DBN1: variants seen among roughly 807,000 people sequenced by gnomAD.
DBN1 encodes the protein drebrin 1.
In DBN1, 21 loss-of-function variants were observed where a neutral mutation model predicts 83.5. The ratio of observed to expected loss-of-function variants is 0.25; its 90% confidence interval spans 0.18 to 0.36. DBN1 has a LOEUF of 0.36. Among genes scored for constraint, DBN1 ranks in the 10% least tolerant of loss-of-function variants. DBN1 has a pLI of 1.00. For missense variants in DBN1, 874 were observed against 935.7 expected (o/e 0.93, Z 0.86); for synonymous variants, 381 against 384.9 (o/e 0.99, Z 0.12).
chr5:177,457,384 G>T lies in DBN1; in HGVS notation c.*49C>A. 6.6e-7 allele frequency: 1 copy of T among 1,523,074 alleles called. No homozygotes were observed. The allele number at this position is 1,523,074 out of a possible 1,614,324, so 94.3% of individuals were successfully genotyped here. ...ACGGCGGGCCGTCTGGCCAGAGGCT[G>T]ATGCAGGTGGGCGGCCTTGGCAAGG... On this transcript the variant is annotated 3_prime_UTR_variant, in exon 15 of 15. Transcript: ENST00000393565.
At chr5:177,457,992 C>G in intron 13 of DBN1, 66 bp downstream of exon 13, 1 of 1,597,590 alleles carries the variant, frequency 6.3e-7, no homozygotes, top group Non-Finnish European at 8.6e-7. Flanking sequence ...ATGAGGAATG[C>G]AGGGCCAGCA....
In DBN1 at chr5:177,458,427, G is replaced by A. The variant is rs1264518643; in HGVS notation, c.1545C>T (p.Pro515=). The part of the protein sequence containing the change: ...TADTTVANNV[P]PAATSLIDLW... ...GGTCAATGAGGCTGGTGGCGGCGGG[G>A]GGTACGTTGTTGGCAACAGTGGTGT... The change falls in exon 13 of 15, where the codon CCC becomes CCT. Residue 515 remains proline, a synonymous_variant. Coordinates refer to ENST00000393565, the MANE Select transcript of DBN1 (RefSeq NM_001363541.2). 1 of 1,614,204 alleles carries A rather than the reference G, an allele frequency of 6.2e-7. No homozygotes were observed. Among genetic ancestry groups the A allele is most frequent in the Admixed American group, 1.7e-5 (1 of 60,028 alleles).
intron 10 of DBN1, 23 bp downstream of exon 10, chr5:177,460,409 C>T (rs1351255257): frequency 1.7e-5 from 27 of 1,612,712 alleles, no homozygotes; most frequent in Middle Eastern, 3.8e-4. Context: ...TGGGGCCGGA[C>T]GGGGGGTGGG....
chr5:177,458,982 T>A, intron 12 of DBN1, 116 bp downstream of exon 12: 1 of 1,497,848 alleles, frequency 6.7e-7, no homozygotes, highest in Non-Finnish European at 8.9e-7. Flanking sequence ...TCCAGGGCAG[T>A]GCAGTCTTGG....
chr5:177,461,380 G>A (rs940638505), intron 8 of DBN1, among the ~76,000 whole-genome samples: 2 of 151,756 alleles, frequency 1.3e-5, no homozygotes, highest in African/African-American at 4.8e-5. Context: ...TTACAGGCGT[G>A]AGCCACCGCG....
chr5:177,473,337 C>T (rs1757986394), intron 1 of DBN1, 99 bp downstream of exon 1: 3 of 684,622 alleles, frequency 4.4e-6, no homozygotes, highest in Non-Finnish European at 6.4e-6. Flanking sequence ...TTCGGGGTCC[C>T]CCTCCCTTCC....
chr5:177,470,601 G>C (rs1757774394), intron 1 of DBN1, among the ~76,000 whole-genome samples: 1 of 152,208 alleles, frequency 6.6e-6, no homozygotes, highest in South Asian at 2.1e-4. Context: ...GACCCAAGCA[G>C]GGTTCTGGAC....
Position 177,466,753 on chromosome 5 carries a change from GC to G in DBN1, c.771+18del, listed in dbSNP as rs755753763. On this transcript the variant is annotated intron_variant, in intron 8 of 14. Transcript: ENST00000393565. This position sits in a 1 kb window ranked among gnomAD's most constrained non-coding sequence, Gnocchi z 4.8. ...CACTTCCCTGACCCAGAGACCGGGAGCCTTGGCAAAGAACTTACAAAGATAG... is the reference window on the plus strand; with the variant it reads ...CACTTCCCTGACCCAGAGACCGGGAGCTTGGCAAAGAACTTACAAAGATAG... 4 of 1,613,772 alleles carry G rather than the reference GC, an allele frequency of 2.5e-6. No individual in the cohort carries two copies. The South Asian group carries it at 4.4e-5, about 18-fold the overall frequency.
intron 14 of DBN1, 61 bp from the exon 15 acceptor site, chr5:177,457,564 CTG>C: frequency 1.3e-6 from 2 of 1,571,404 alleles, no homozygotes; most frequent in South Asian, 1.1e-5. Flanking sequence ...TCCCCAGCCT[CTG>C]TGAGCGGTGG....
In DBN1 at chr5:177,459,745, C is replaced by T. The variant is rs528844955; in HGVS notation, c.956-5G>A. The T allele has an allele frequency of 1.7e-5, 25 of 1,492,628 alleles. No homozygotes were observed. The highest frequency in any genetic ancestry group is 2.5e-5 in the East Asian group (1 of 39,920). The allele number at this position is 1,492,628 out of a possible 1,614,324, so 92.5% of individuals were successfully genotyped here. On this transcript the variant is annotated splice_region_variant and splice_polypyrimidine_tract_variant and intron_variant, in intron 10 of 14. Coordinates refer to ENST00000393565, the MANE Select transcript of DBN1 (RefSeq NM_001363541.2). ...TGAAAGGGCAGTACGGACGACCTGCCGAGAGAGACAGACAGAGAAAGAGAC... is the reference window on the plus strand; with the variant it reads ...TGAAAGGGCAGTACGGACGACCTGCTGAGAGAGACAGACAGAGAAAGAGAC...
In DBN1 at chr5:177,468,346, G is replaced by A. The variant is rs1216070251; in HGVS notation, c.143-126C>T. The A allele has an allele frequency of 5.4e-6, 4 of 743,150 alleles. No individual in the cohort carries two copies. The African/African-American group carries it at 7.0e-5, about 13-fold the overall frequency. 46.0% of individuals were successfully genotyped at this position (743,150 alleles called of 1,614,324 possible). On this transcript the variant is annotated intron_variant, in intron 2 of 14. Coordinates refer to ENST00000393565, the MANE Select transcript of DBN1 (RefSeq NM_001363541.2). The stretch of plus-strand genomic sequence containing the variant: ...CCCCCAGGGGTCTTCTGGCCTCTGG[G>A]GTCTGTGGGTCCCAGTTTTGTGTTG...
In DBN1 at chr5:177,456,841, G is replaced by C. The variant is rs574436044; in HGVS notation, c.*592C>G. 1 of 153,206 alleles carries C rather than the reference G, an allele frequency of 6.5e-6. No homozygotes were observed. Among genetic ancestry groups the C allele is most frequent in the Admixed American group, 6.5e-5 (1 of 15,276 alleles). 9.5% of individuals were successfully genotyped at this position (153,206 alleles called of 1,614,324 possible). On this transcript the variant is annotated 3_prime_UTR_variant, in exon 15 of 15. Transcript: ENST00000393565. Reference sequence around the variant, plus strand: ...ACCTGGGACCTGCCCGGCAGGAGACGGGGGGTAGCCGAGGGGCCCCAGCTG... The same window carrying C: ...ACCTGGGACCTGCCCGGCAGGAGACCGGGGGTAGCCGAGGGGCCCCAGCTG...
chr5:177,470,834 TGGTGGTGCACCA>T (rs1757793225), intron 1 of DBN1, among the ~76,000 whole-genome samples: 1 of 152,198 alleles, frequency 6.6e-6, no homozygotes, highest in Admixed American at 6.5e-5. Context: ...ACCCCGAGCC[TGGTGGTGCACCA>T]GGTGGAAGCT....
At chr5:177,472,479 C>A in intron 1 of DBN1, 1 of 1,179,670 alleles carries the variant, frequency 8.5e-7, no homozygotes, top group Non-Finnish European at 1.1e-6. Flanking sequence ...TTTCCACCAC[C>A]CTGGGCCGCC....
intron 12 of DBN1, among the ~76,000 whole-genome samples, 168 bp from the exon 13 acceptor site, chr5:177,458,875 G>T (rs1756779845): frequency 6.6e-6 from 1 of 152,324 alleles, no homozygotes. Flanking sequence ...GCTCCGGGAG[G>T]AAGGCCAAGG....
chr5:177,464,429 G>A (rs1423953278), intron 8 of DBN1, among the ~76,000 whole-genome samples: 1 of 150,808 alleles, frequency 6.6e-6, no homozygotes, highest in African/African-American at 2.4e-5. Flanking sequence ...CTGGGCGACA[G>A]AGCAAGACTC....
chr5:177,459,343 G>A, intron 11 of DBN1, 75 bp from the exon 12 acceptor site: 1 of 1,551,816 alleles, frequency 6.4e-7, no homozygotes, highest in Non-Finnish European at 8.6e-7. Context: ...CTTGGGGCCT[G>A]GCCAGCACCT....
rs777428437 is a variant in DBN1 at position 177,466,842 on chromosome 5, C to T, written c.708-7G>A. On this transcript the variant is annotated splice_polypyrimidine_tract_variant and splice_region_variant and intron_variant, in intron 7 of 14. Coordinates refer to ENST00000393565, the MANE Select transcript of DBN1 (RefSeq NM_001363541.2). The surrounding 1 kb of genome is among the most constrained non-coding windows in gnomAD (Gnocchi z 4.8). ...TAAAGTCTGCTGTTTCCTCCTGGAACGATAAGCAGCCAGCACCCGTCAGGG... is the reference window on the plus strand; with the variant it reads ...TAAAGTCTGCTGTTTCCTCCTGGAATGATAAGCAGCCAGCACCCGTCAGGG... The T allele has an allele frequency of 4.4e-5, 71 of 1,614,018 alleles. No homozygotes were observed. The Middle Eastern group carries it at 4.9e-4, about 11-fold the overall frequency.
Position 177,457,471 on chromosome 5 carries a change from C to G in DBN1, c.2050G>C (p.Val684Leu), listed in dbSNP as rs1346840001. The G allele has an allele frequency of 6.2e-7, 1 of 1,614,098 alleles. No homozygotes were observed. Among genetic ancestry groups the G allele is most frequent in the African/African-American group, 1.3e-5 (1 of 74,942 alleles). The change falls in exon 15 of 15, where the codon GTT becomes CTT. Residue 684 changes from valine (V) to leucine (L), a missense_variant. Coordinates refer to ENST00000393565, the MANE Select transcript of DBN1 (RefSeq NM_001363541.2). The stretch of plus-strand genomic sequence containing the variant: ...TCGAAGCCCTCCTCCTCTTCTGGAA[C>G]TGGGTCTGCATCCCAGCATGTGATG... ...IDITCWDADP[V>L]PEEEEGFEGG...
Sources: gnomAD v4.1 joint callset for allele counts (sites outside exome capture counted in the v4.1 genomes callset) on GRCh38, gnomAD v4.1.1 for gene constraint, Gnocchi (gnomAD v3.1) non-coding constraint, MANE v1.5 for transcripts, NCBI Gene and HGNC (gene_info 2026-07-23, HGNC 2026-07-21) for gene names.